Variants in RPGR observed in about 807,000 individuals in gnomAD.
The protein encoded by RPGR is X-linked retinitis pigmentosa GTPase regulator.
Under a neutral mutation model 56.3 loss-of-function variants are expected in RPGR, and 10 were observed. That is an observed-to-expected ratio of 0.18 (90% confidence interval 0.11 to 0.30). The LOEUF (loss-of-function observed/expected upper bound fraction) is 0.30, where lower values mean the gene tolerates loss of function less well. RPGR is among the 10% of genes least tolerant of loss of function. RPGR has a pLI of 1.00. For synonymous variants in RPGR, 197 were observed against 212.9 expected (o/e 0.93, Z 0.65); for missense variants, 538 against 590.9 (o/e 0.91, Z 0.93).
chrX:38,324,495 C>T (rs778151375), intron 1 of RPGR, among the ~76,000 whole-genome samples: 11 of 110,363 alleles, frequency 1.0e-4, no homozygotes, highest in Admixed American at 5.8e-4. Flanking sequence ...CCACCACTAT[C>T]TCTTTCATTC....
chrX:38,270,063 C>T (rs1042784832), intron 18 of RPGR, among the ~76,000 whole-genome samples: 3 of 111,625 alleles, frequency 2.7e-5, no homozygotes, highest in Non-Finnish European at 5.7e-5. Flanking sequence ...ACATTCAACA[C>T]CATCAACACC....
chrX:38,317,769 T>A (rs1294194801), intron 5 of RPGR: 1 of 215,326 alleles, frequency 4.6e-6, no homozygotes, highest in Non-Finnish European at 8.4e-6. Flanking sequence ...CCCATTCTGA[T>A]GTTTCTAAAC....
In RPGR at chrX:38,276,546, T is replaced by C. The variant is rs868420637; in HGVS notation, c.2091+41A>G. ...TGCAGAAACTAGAGAACCCATATGTTTTCTCCCAGGATCTCAGGATTTAAG... is the reference window on the plus strand; with the variant it reads ...TGCAGAAACTAGAGAACCCATATGTCTTCTCCCAGGATCTCAGGATTTAAG... On this transcript the variant is annotated intron_variant, in intron 16 of 18. Transcript: ENST00000642395. 4.2e-6 allele frequency: 5 copies of C among 1,182,041 alleles called. No individual in the cohort carries two copies. In the African/African-American group the frequency reaches 8.7e-5, roughly 21 times the overall value.
intron 16 of RPGR, among the ~76,000 whole-genome samples, chrX:38,275,636 C>G (rs1020716235): frequency 9.0e-6 from 1 of 111,548 alleles, no homozygotes; most frequent in African/African-American, 3.3e-5. Flanking sequence ...TGACCTTTAC[C>G]ACAATACCAA....
At chrX:38,302,134 C>T (rs1351161033) in intron 8 of RPGR, among the ~76,000 whole-genome samples, 2 of 111,955 alleles carry the variant, frequency 1.8e-5, no homozygotes, top group East Asian at 2.8e-4. Flanking sequence ...TGTCACTTCT[C>T]GCCAGTTAGT....
At chrX:38,284,831 C>CA (rs1829876815) in intron 15 of RPGR, 35 of 751,103 alleles carry the variant, frequency 4.7e-5, no homozygotes, top group Non-Finnish European at 5.0e-5. Flanking sequence ...TTTGCCTGGA[C>CA]AAAAAATACT....
chrX:38,269,898 A>G (rs1158564906), intron 18 of RPGR: 3 of 794,925 alleles, frequency 3.8e-6, no homozygotes, highest in Non-Finnish European at 5.6e-6. Context: ...AACAGTATTT[A>G]GGGGATATCA....
intron 15 of RPGR, among the ~76,000 whole-genome samples, chrX:38,280,963 G>C (rs750590290): frequency 2.7e-5 from 3 of 111,823 alleles, no homozygotes; most frequent in African/African-American, 9.8e-5. Flanking sequence ...TGCCAGTTGT[G>C]ATCTCCAAAT....
At chrX:38,304,079 A>C (rs746549173) in intron 8 of RPGR, among the ~76,000 whole-genome samples, 2 of 111,657 alleles carry the variant, frequency 1.8e-5, no homozygotes, top group Non-Finnish European at 3.8e-5. Flanking sequence ...GGCTCAAAGG[A>C]ACATTTCCCT....
At chrX:38,272,049 G>A (rs1316560965) in intron 18 of RPGR, among the ~76,000 whole-genome samples, 1 of 111,836 alleles carries the variant, frequency 8.9e-6, no homozygotes, top group African/African-American at 3.3e-5. Flanking sequence ...TAGCCAAGTA[G>A]TCTCAGCTGA....
At chrX:38,312,820 T>G (rs939973256) in intron 6 of RPGR, among the ~76,000 whole-genome samples, 3 of 110,908 alleles carry the variant, frequency 2.7e-5, no homozygotes, top group African/African-American at 9.8e-5. Context: ...GGCACGCATC[T>G]TTGTCCTAGC....
intron 4 of RPGR, 65 bp from the exon 5 acceptor site, chrX:38,319,052 T>C: frequency 3.7e-6 from 4 of 1,093,910 alleles, no homozygotes; most frequent in Non-Finnish European, 5.0e-6. Context: ...CAGGTCAGTG[T>C]ATAGCAGCGA....
intron 15 of RPGR, chrX:38,286,009 T>G (rs761156255): frequency 1.6e-5 from 13 of 793,343 alleles, no homozygotes; most frequent in Non-Finnish European, 2.1e-5. Context: ...CTCCCCTTCT[T>G]CTTCCCCTTC....
intron 4 of RPGR, among the ~76,000 whole-genome samples, 193 bp downstream of exon 4, chrX:38,320,834 C>A (rs1388925121): frequency 5.3e-5 from 6 of 112,859 alleles, no homozygotes; most frequent in African/African-American, 1.9e-4. Context: ...AGAAAAGAAG[C>A]TTTTTCTTCA....
chrX:38,279,263 T>C (rs957528791), intron 15 of RPGR: 1 of 323,455 alleles, frequency 3.1e-6, no homozygotes, highest in African/African-American at 2.7e-5. Flanking sequence ...ACTAGAACCA[T>C]CTAAGAAGAT....
chrX:38,303,626 T>C (rs1271529884), intron 8 of RPGR: 1 of 282,592 alleles, frequency 3.5e-6, no homozygotes, highest in Non-Finnish European at 6.2e-6. Flanking sequence ...ACTTTTCATA[T>C]TCTATATAAT....
chrX:38,319,900 G>A (rs750695311), intron 4 of RPGR, among the ~76,000 whole-genome samples: 41 of 111,877 alleles, frequency 3.7e-4, no homozygotes, highest in Non-Finnish European at 7.1e-4. Context: ...GGCAAAATCA[G>A]CCTGAGTTAG....
intron 15 of RPGR, among the ~76,000 whole-genome samples, chrX:38,283,301 CTAGT>C (rs2067065637): frequency 8.9e-6 from 1 of 111,756 alleles, no homozygotes; most frequent in African/African-American, 3.3e-5. Flanking sequence ...AGTATAACTA[CTAGT>C]TAGTTTGAAT....
At chrX:38,306,588 T>C (rs775215496) in intron 7 of RPGR, among the ~76,000 whole-genome samples, 22 of 112,721 alleles carry the variant, frequency 2.0e-4, no homozygotes, top group Non-Finnish European at 3.9e-4. Context: ...GATCTTTATT[T>C]TAATATTAAA....
Sources: allele counts gnomAD v4.1 joint callset (sites outside exome capture counted in the v4.1 genomes callset), GRCh38; gene constraint gnomAD v4.1.1; transcripts MANE v1.5; gene names NCBI Gene and HGNC (gene_info 2026-07-23, HGNC 2026-07-21).